PIK3R3: variants seen among roughly 807,000 people sequenced by gnomAD.
The protein encoded by PIK3R3 is phosphatidylinositol 3-kinase regulatory subunit gamma.
A neutral mutation model predicts 62.9 loss-of-function variants in PIK3R3; 64 were observed. The observed-to-expected ratio is 1.02, with a 90% confidence interval of 0.83 to 1.25. PIK3R3 has a LOEUF of 1.25. Among genes scored for constraint, PIK3R3 ranks in the 50% most tolerant of loss-of-function variants. The pLI is 0.00. For missense variants in PIK3R3, 614 were observed against 561.6 expected (o/e 1.09, Z -0.94); for synonymous variants, 165 against 189.0 (o/e 0.87, Z 1.04).
At chr1:46,166,012 G>A in the PIK3R3 span, among the ~76,000 whole-genome samples, 2 of 150,982 alleles carry the variant, frequency 1.3e-5, no homozygotes, top group African/African-American at 4.9e-5. Context: ...CTGACCTCGT[G>A]ATTCGCCCGC....
chr1:46,084,783 T>G (rs1249266567), intron 1 of PIK3R3, among the ~76,000 whole-genome samples: 1 of 151,994 alleles, frequency 6.6e-6, no homozygotes, highest in African/African-American at 2.4e-5. Context: ...AAAAAGCAAA[T>G]TGTAACAGAA....
At position 46,127,700 on chromosome 1, in the gene PIK3R3, A is replaced by C. The variant is rs1017362115; in HGVS notation, c.106+4147T>G. Among the ~76,000 whole-genome samples, 28 of 152,168 alleles carry C rather than the reference A, an allele frequency of 1.8e-4. 1 individual carries two copies. The highest frequency in any genetic ancestry group is 6.5e-4 in the African/African-American group (27 of 41,448). ...GCTTATAGGCGATTCTCTGTACTAC[A>C]ATCTTAACATTTCTACAATAAAAGT... On this transcript the variant is annotated intron_variant, in intron 1 of 9. Coordinates refer to ENST00000262741, the MANE Select transcript of PIK3R3 (RefSeq NM_003629.4).
intron 1 of PIK3R3, among the ~76,000 whole-genome samples, chr1:46,112,453 A>G (rs1352218949): frequency 1.3e-5 from 2 of 152,236 alleles, no homozygotes; most frequent in Non-Finnish European, 2.9e-5. Flanking sequence ...ATTTCTACAG[A>G]ACAGATTCCC....
chr1:46,090,991 T>A (rs1651576501), intron 1 of PIK3R3, among the ~76,000 whole-genome samples: 1 of 151,972 alleles, frequency 6.6e-6, no homozygotes, highest in African/African-American at 2.4e-5. Flanking sequence ...CAAAAAATAG[T>A]TTTTACTTTT....
intron 7 of PIK3R3, among the ~76,000 whole-genome samples, chr1:46,048,640 C>T (rs1647179202): frequency 6.6e-6 from 1 of 152,040 alleles, no homozygotes; most frequent in Non-Finnish European, 1.5e-5. Flanking sequence ...TCCCCATTTT[C>T]TTTTAACCAC....
At chr1:46,145,170 A>G in the PIK3R3 span, among the ~76,000 whole-genome samples, 1 of 151,698 alleles carries the variant, frequency 6.6e-6, no homozygotes, top group African/African-American at 2.4e-5. Context: ...TTTAGAATTC[A>G]CAGATCCTTA....
chr1:46,132,908 A>G, upstream of PIK3R3: 1 of 1,184,996 alleles, frequency 8.4e-7, no homozygotes, highest in Non-Finnish European at 1.1e-6. Flanking sequence ...CCCCAGCCTC[A>G]ATCAGAATGG....
intron 3 of PIK3R3, among the ~76,000 whole-genome samples, chr1:46,073,810 A>G (rs995550264): frequency 2.7e-5 from 3 of 111,130 alleles, no homozygotes; most frequent in Admixed American, 8.9e-5. Context: ...TTTTTTTAGT[A>G]TTTTTAGTAG....
rs1655698956 is a variant in PIK3R3 at position 46,132,452 on chromosome 1, G to A, written c.-500C>T. 8.4e-7 allele frequency: 1 copy of A among 1,192,088 alleles called. No homozygotes were observed. Among genetic ancestry groups the A allele is most frequent in the South Asian group, 1.5e-5 (1 of 65,342 alleles). The allele number at this position is 1,192,088 out of a possible 1,614,324, so 73.8% of individuals were successfully genotyped here. On this transcript the variant is annotated 5_prime_UTR_variant, in exon 1 of 10. Transcript: ENST00000262741. Reference sequence around the variant, plus strand: ...TTTCGGGGTCCCACTGGTCTGCAGAGAGCGAATCCCCCAGAGGCCGGGACT... The same window carrying A: ...TTTCGGGGTCCCACTGGTCTGCAGAAAGCGAATCCCCCAGAGGCCGGGACT...
At chr1:46,049,147 G>A (rs959503679) in intron 7 of PIK3R3, among the ~76,000 whole-genome samples, 18 of 148,386 alleles carry the variant, frequency 1.2e-4, no homozygotes, top group Non-Finnish European at 3.0e-5. Context: ...TCTCTCTTTG[G>A]CCCAGCAATC....
chr1:46,122,081 A>G (rs1273267920), intron 1 of PIK3R3, among the ~76,000 whole-genome samples: 1 of 151,344 alleles, frequency 6.6e-6, no homozygotes, highest in East Asian at 2.0e-4. Flanking sequence ...CATCTCAAAA[A>G]TAAAATAAAA....
chr1:46,103,854 A>G (rs955146964), intron 1 of PIK3R3, among the ~76,000 whole-genome samples: 1 of 151,848 alleles, frequency 6.6e-6, no homozygotes, highest in Admixed American at 6.6e-5. Context: ...TCGGCCTCCC[A>G]AAGTGCTGGG....
intron 1 of PIK3R3, among the ~76,000 whole-genome samples, chr1:46,125,819 G>A (rs1207084825): frequency 6.6e-6 from 1 of 150,940 alleles, no homozygotes; most frequent in African/African-American, 2.4e-5. Context: ...GGAGTGCAGT[G>A]GCACCATCTT....
chr1:46,043,833 GTGC>G lies in PIK3R3; in HGVS notation c.1223_1225del (p.Ser408del), dbSNP rs1557545447. On this transcript the variant is annotated inframe_deletion, in exon 10 of 10. Coordinates refer to ENST00000262741, the MANE Select transcript of PIK3R3 (RefSeq NM_003629.4). ...CTCTGCAAAGCCATAGCCCCGAGCA[GTGC>G]TGTAGATCACACAGTGCTTCACTTC... 3.1e-6 allele frequency: 5 copies of G among 1,614,114 alleles called. No homozygotes were observed. Among genetic ancestry groups the G allele is most frequent in the Non-Finnish European group, 3.4e-6 (4 of 1,179,994 alleles).
At chr1:46,112,723 C>A (rs1346659853) in intron 1 of PIK3R3, among the ~76,000 whole-genome samples, 1 of 152,154 alleles carries the variant, frequency 6.6e-6, no homozygotes, top group Non-Finnish European at 1.5e-5. Flanking sequence ...TTACTATCAT[C>A]CGCTCTAGTC....
Position 46,077,600 on chromosome 1 carries a change from C to A in PIK3R3, c.229G>T (p.Asp77Tyr). The A allele has an allele frequency of 6.2e-7, 1 of 1,603,126 alleles. No homozygotes were observed. Among genetic ancestry groups the A allele is most frequent in the South Asian group, 1.1e-5 (1 of 90,828 alleles). The part of the protein sequence containing the change: ...WGDISREEVN[D>Y]KLRDMPDGTF... ...CCATCTGGCATATCCCGCAATTTGT[C>A]ATTTACCTCCTCCCTGAAGAACAGA... The change falls in exon 3 of 10, where the codon GAC (aspartate) becomes TAC (tyrosine). Residue 77 changes from aspartate (D) to tyrosine (Y), a missense_variant. Transcript: ENST00000262741.
upstream of PIK3R3, among the ~76,000 whole-genome samples, chr1:46,133,359 G>T (rs1655792684): frequency 6.6e-6 from 1 of 152,240 alleles, no homozygotes; most frequent in Non-Finnish European, 1.5e-5. Flanking sequence ...AGGAGCCAGG[G>T]AGGACCTGCT....
At chr1:46,086,699 G>GA (rs1361594986) in intron 1 of PIK3R3, among the ~76,000 whole-genome samples, 3 of 150,640 alleles carry the variant, frequency 2.0e-5, no homozygotes, top group Admixed American at 1.3e-4. Flanking sequence ...GACTGTCTAA[G>GA]AAAAAAAAAG....
Position 46,132,036 on chromosome 1 carries a change from C to A in PIK3R3, c.-84G>T. 6.5e-7 allele frequency: 1 copy of A among 1,541,258 alleles called. No homozygotes were observed. The highest frequency in any genetic ancestry group is 8.7e-7 in the Non-Finnish European group (1 of 1,145,872). On this transcript the variant is annotated 5_prime_UTR_variant, in exon 1 of 10. Transcript: ENST00000262741. ...TATTTAAAAATCTAAAAATATATAT[C>A]TGCAAAAGTTCCACACGGAAATGTA...
Sources: allele counts gnomAD v4.1 joint callset (sites outside exome capture counted in the v4.1 genomes callset), GRCh38; gene constraint gnomAD v4.1.1; transcripts MANE v1.5; gene names NCBI Gene and HGNC (gene_info 2026-07-23, HGNC 2026-07-21).